Variants in ANO4 observed in about 807,000 individuals in gnomAD.
ANO4 encodes anoctamin 4.
Under a neutral mutation model 141.9 loss-of-function variants are expected in ANO4, and 69 were observed. The observed-to-expected ratio is 0.49, with a 90% CI of 0.40 to 0.59. ANO4 has a LOEUF of 0.59. Among genes scored for constraint, ANO4 ranks in the 20% least tolerant of loss-of-function variants. ANO4 has a pLI of 0.00. For missense variants in ANO4, 894 were observed against 1,162.2 expected (o/e 0.77, Z 3.36); for synonymous variants, 350 against 394.3 (o/e 0.89, Z 1.33).
At chr12:101,010,984 G>T (rs1460838742) in intron 8 of ANO4, among the ~76,000 whole-genome samples, 1 of 152,142 alleles carries the variant, frequency 6.6e-6, no homozygotes, top group East Asian at 1.9e-4. Context: ...TTGTCCCTTT[G>T]CTCAATGAGC....
At chr12:100,996,961 A>G (rs1312071101) in intron 8 of ANO4, among the ~76,000 whole-genome samples, 6 of 152,296 alleles carry the variant, frequency 3.9e-5, no homozygotes, top group East Asian at 1.9e-4. Context: ...TGTGAGGGTA[A>G]GGGTAGAATA....
At chr12:100,999,582 G>A (rs1180595837) in intron 8 of ANO4, among the ~76,000 whole-genome samples, 1 of 152,054 alleles carries the variant, frequency 6.6e-6, no homozygotes, top group Admixed American at 6.6e-5. Flanking sequence ...TATCTTTGGA[G>A]GGCCATAATA....
intron 2 of ANO4, chr12:100,739,802 A>T: frequency 1.5e-6 from 1 of 685,706 alleles, no homozygotes; most frequent in Non-Finnish European, 2.7e-6. Context: ...GAAAATAAGC[A>T]CACTATATGG....
chr12:101,092,121 T>C (rs2049800940), intron 17 of ANO4, among the ~76,000 whole-genome samples: 1 of 152,038 alleles, frequency 6.6e-6, no homozygotes, highest in African/African-American at 2.4e-5. Flanking sequence ...CAACAAAGGC[T>C]ATATCCCAGG....
At chr12:101,126,414 A>G (rs964686572) in intron 26 of ANO4, among the ~76,000 whole-genome samples, 3 of 152,222 alleles carry the variant, frequency 2.0e-5, no homozygotes, top group Non-Finnish European at 4.4e-5. Context: ...CCCACTGATA[A>G]TTCTTATAAC....
chr12:101,004,250 C>A (rs1372608071), intron 8 of ANO4, among the ~76,000 whole-genome samples: 1 of 151,890 alleles, frequency 6.6e-6, no homozygotes, highest in Admixed American at 6.6e-5. Flanking sequence ...GTTGGGGGAG[C>A]AAAATGAAGA....
intron 1 of ANO4, among the ~76,000 whole-genome samples, chr12:100,895,847 C>G (rs930267677): frequency 1.1e-4 from 17 of 151,952 alleles, no homozygotes; most frequent in Admixed American, 6.6e-5. Flanking sequence ...TAGGTGTGAG[C>G]CACTGTGCCT....
intron 14 of ANO4, among the ~76,000 whole-genome samples, chr12:101,075,475 C>A (rs2048982899): frequency 1.3e-5 from 2 of 148,620 alleles, no homozygotes; most frequent in Non-Finnish European, 3.0e-5. Context: ...CATGCTGATG[C>A]TTTAGCTGAG....
intron 5 of ANO4, among the ~76,000 whole-genome samples, chr12:100,950,820 C>T (rs1430418256): frequency 6.6e-6 from 1 of 152,178 alleles, no homozygotes; most frequent in Non-Finnish European, 1.5e-5. Context: ...CATACATTAC[C>T]ACTGGTATTG....
chr12:100,916,455 T>A (rs2041347110), intron 2 of ANO4, among the ~76,000 whole-genome samples: 1 of 152,124 alleles, frequency 6.6e-6, no homozygotes, highest in Non-Finnish European at 1.5e-5. Context: ...TAACTGAGCA[T>A]CTAATATGTT....
intron 5 of ANO4, among the ~76,000 whole-genome samples, chr12:100,968,507 C>T (rs952174757): frequency 6.6e-6 from 1 of 152,082 alleles, no homozygotes; most frequent in African/African-American, 2.4e-5. Context: ...CAATTTTACT[C>T]TTTCTCTCAT....
intron 2 of ANO4, among the ~76,000 whole-genome samples, chr12:100,739,483 T>G (rs914629520): frequency 1.3e-5 from 2 of 152,176 alleles, no homozygotes; most frequent in Non-Finnish European, 2.9e-5. Flanking sequence ...TTCTCATCTG[T>G]AAAACTGAAA....
At chr12:100,996,904 A>AAAAATGAAGC (rs375319569) in intron 8 of ANO4, among the ~76,000 whole-genome samples, 14,914 of 152,308 alleles carry the variant, frequency 0.098, 837 homozygotes, top group Middle Eastern at 0.19. Context: ...ACTGTTTACT[A>AAAAATGAAGC]AACAACTCCT....
chr12:101,070,310 A>G (rs1442469076), intron 14 of ANO4, among the ~76,000 whole-genome samples: 1 of 152,122 alleles, frequency 6.6e-6, no homozygotes, highest in Non-Finnish European at 1.5e-5. Context: ...TACTAGCATA[A>G]AAAAACAGAC....
chr12:100,825,308 G>T (rs1015675655), intron 1 of ANO4, among the ~76,000 whole-genome samples: 34 of 151,928 alleles, frequency 2.2e-4, no homozygotes, highest in African/African-American at 7.7e-4. Flanking sequence ...TTTATTGAGG[G>T]ACTGCTCTGG....
chr12:101,096,663 C>G lies in ANO4; in HGVS notation c.1850+16C>G. On this transcript the variant is annotated intron_variant, in intron 19 of 27. Coordinates refer to ENST00000392977, the MANE Select transcript of ANO4 (RefSeq NM_001286615.2). ...TCCTCGGAAGGTAAGAACCTGACCCCTGCACACCTCCCCAAGCTGAGGACA... is the reference window on the plus strand; with the variant it reads ...TCCTCGGAAGGTAAGAACCTGACCCGTGCACACCTCCCCAAGCTGAGGACA... 1 of 1,581,022 alleles carries G rather than the reference C, an allele frequency of 6.3e-7. No homozygotes were observed.
intron 2 of ANO4, among the ~76,000 whole-genome samples, chr12:100,905,832 A>G (rs1255884225): frequency 2.0e-5 from 3 of 152,204 alleles, no homozygotes; most frequent in African/African-American, 7.2e-5. Context: ...GCTATGCACA[A>G]TAGGACCATG....
At chr12:100,922,817 T>G (rs979494608) in intron 3 of ANO4, among the ~76,000 whole-genome samples, 15 of 152,310 alleles carry the variant, frequency 9.8e-5, no homozygotes, top group Admixed American at 9.8e-4. Flanking sequence ...CCTCATTTTC[T>G]AAGCATTTTG....
At chr12:100,726,461 G>C (rs773449455) in intron 1 of ANO4, among the ~76,000 whole-genome samples, 1 of 152,156 alleles carries the variant, frequency 6.6e-6, no homozygotes, top group African/African-American at 2.4e-5. Flanking sequence ...AAAAGTCTTT[G>C]GTTGATTCCT....
Sources: allele counts gnomAD v4.1 joint callset (sites outside exome capture counted in the v4.1 genomes callset), GRCh38; gene constraint gnomAD v4.1.1; transcripts MANE v1.5; gene names NCBI Gene and HGNC (gene_info 2026-07-23, HGNC 2026-07-21).